DKK2: variants seen among roughly 807,000 people sequenced by gnomAD.
The protein encoded by DKK2 is dickkopf-related protein 2.
A neutral mutation model predicts 28.1 loss-of-function variants in DKK2; 11 were observed. The ratio of observed to expected loss-of-function variants is 0.39; its 90% CI spans 0.25 to 0.65. The LOEUF (loss-of-function observed/expected upper bound fraction) is 0.65. Among genes scored for constraint, DKK2 ranks in the 30% least tolerant of loss-of-function variants. The probability of loss-of-function intolerance (pLI) is 0.47; values close to 1 mark genes in which losing one functional copy is unlikely to be tolerated. For synonymous variants in DKK2, 135 were observed against 126.5 expected, an observed-to-expected ratio of 1.07 and a Z score of -0.45; for missense variants, 326 against 335.5, an observed-to-expected ratio of 0.97 and a Z score of 0.22.
At chr4:106,967,148 T>C (rs1229862637) in intron 1 of DKK2, among the ~76,000 whole-genome samples, 2 of 152,158 alleles carry the variant, frequency 1.3e-5, no homozygotes, top group Non-Finnish European at 2.9e-5. Flanking sequence ...CCAGGCACCA[T>C]GTCAGGCACT....
At chr4:106,952,929 C>T (rs899690974) in intron 1 of DKK2, among the ~76,000 whole-genome samples, 1 of 152,108 alleles carries the variant, frequency 6.6e-6, no homozygotes, top group Non-Finnish European at 1.5e-5. Flanking sequence ...ATCTTCCCCT[C>T]GTATGTTGGT....
intron 1 of DKK2, among the ~76,000 whole-genome samples, chr4:106,936,952 A>T (rs1374170515): frequency 6.6e-6 from 1 of 152,012 alleles, no homozygotes; most frequent in Middle Eastern, 3.2e-3. Context: ...GCCCTAAAAG[A>T]GCTCCTGAAG....
At chr4:106,975,706 A>G (rs1213232175) in intron 1 of DKK2, among the ~76,000 whole-genome samples, 1 of 151,970 alleles carries the variant, frequency 6.6e-6, no homozygotes, top group Non-Finnish European at 1.5e-5. Flanking sequence ...AGATTCATTA[A>G]TTTTTGGAAG....
chr4:106,969,012 T>G (rs1252002875), intron 1 of DKK2, among the ~76,000 whole-genome samples: 1 of 152,072 alleles, frequency 6.6e-6, no homozygotes, highest in African/African-American at 2.4e-5. Flanking sequence ...ACAAAAGTAC[T>G]GAAAAAGAAA....
At chr4:106,944,770 A>G (rs928281243) in intron 1 of DKK2, among the ~76,000 whole-genome samples, 21 of 152,082 alleles carry the variant, frequency 1.4e-4, no homozygotes, top group Admixed American at 1.3e-3. Context: ...TTATAAGTCT[A>G]TAAGACTTAT....
At chr4:107,010,049 C>G (rs1468713587) in intron 1 of DKK2, among the ~76,000 whole-genome samples, 1 of 151,710 alleles carries the variant, frequency 6.6e-6, no homozygotes, top group Non-Finnish European at 1.5e-5. Context: ...CACTTCATAG[C>G]CTTATATTAG....
intron 1 of DKK2, among the ~76,000 whole-genome samples, chr4:106,957,345 C>T (rs1354427186): frequency 2.0e-5 from 3 of 151,804 alleles, no homozygotes; most frequent in East Asian, 3.9e-4. Flanking sequence ...GTCAGTGTGG[C>T]GATTCCTCAG....
At chr4:106,963,563 A>G (rs528297303) in intron 1 of DKK2, among the ~76,000 whole-genome samples, 1 of 152,326 alleles carries the variant, frequency 6.6e-6, no homozygotes, top group African/African-American at 2.4e-5. Flanking sequence ...AAGAGAGAGG[A>G]ACCCTCATAC....
At chr4:106,964,411 T>A (rs1722736672) in intron 1 of DKK2, among the ~76,000 whole-genome samples, 1 of 152,118 alleles carries the variant, frequency 6.6e-6, no homozygotes, top group Admixed American at 6.5e-5. Flanking sequence ...AAAAATGATG[T>A]TTAGACAGAA....
intron 1 of DKK2, among the ~76,000 whole-genome samples, chr4:107,011,301 T>A (rs534142000): frequency 6.6e-6 from 1 of 151,658 alleles, no homozygotes; most frequent in African/African-American, 2.4e-5. Context: ...ATTGTTCATT[T>A]AGAAAATGTG....
chr4:107,018,280 T>C (rs1388841751), intron 1 of DKK2, among the ~76,000 whole-genome samples: 1 of 152,056 alleles, frequency 6.6e-6, no homozygotes, highest in African/African-American at 2.4e-5. Context: ...AGAACACCTG[T>C]GTGTCAGACC....
intron 1 of DKK2, among the ~76,000 whole-genome samples, chr4:106,949,370 TACTC>T (rs947171256): frequency 3.3e-5 from 5 of 152,196 alleles, no homozygotes; most frequent in East Asian, 1.9e-4. Context: ...TGACTTGAAT[TACTC>T]ACACATTTCT....
At chr4:107,012,217 G>C (rs773733652) in intron 1 of DKK2, among the ~76,000 whole-genome samples, 7 of 151,364 alleles carry the variant, frequency 4.6e-5, no homozygotes, top group Non-Finnish European at 7.4e-5. Context: ...AATTAAACCT[G>C]TTTTATGACA....
chr4:107,013,948 G>C (rs183404674), intron 1 of DKK2, among the ~76,000 whole-genome samples: 21 of 151,484 alleles, frequency 1.4e-4, no homozygotes, highest in Admixed American at 7.9e-4. Context: ...GTAATCATCA[G>C]AGAAATGCAG....
At position 106,924,722 on chromosome 4, in the gene DKK2, G is replaced by C; in HGVS notation, c.374-22C>G. 6 of 1,605,314 alleles carry C rather than the reference G, an allele frequency of 3.7e-6. No homozygotes were observed. The South Asian group carries it at 6.7e-5, about 18-fold the overall frequency. On this transcript the variant is annotated intron_variant, in intron 2 of 3. Transcript: ENST00000285311. ...ATGCCTGGAGATGATCATATAATCA[G>C]TTAGACTAATTCAATTCTATGAAAT...
chr4:106,965,049 A>G (rs1430159020), intron 1 of DKK2, among the ~76,000 whole-genome samples: 1 of 152,156 alleles, frequency 6.6e-6, no homozygotes, highest in Non-Finnish European at 1.5e-5. Context: ...GATATAGTTC[A>G]GTGTTCATTA....
chr4:106,967,941 GAA>G (rs904419077), intron 1 of DKK2, among the ~76,000 whole-genome samples: 9 of 136,388 alleles, frequency 6.6e-5, no homozygotes, highest in African/African-American at 2.5e-4. Context: ...AAGGAAGGAA[GAA>G]AGAGAGAAAA....
intron 1 of DKK2, among the ~76,000 whole-genome samples, chr4:106,995,100 TTA>T (rs1229604536): frequency 6.6e-6 from 1 of 152,132 alleles, no homozygotes; most frequent in African/African-American, 2.4e-5. Context: ...TGTTTCCTTT[TTA>T]TGTTTCTGAA....
intron 1 of DKK2, among the ~76,000 whole-genome samples, chr4:106,955,957 C>T (rs528169749): frequency 3.9e-5 from 6 of 152,244 alleles, no homozygotes; most frequent in African/African-American, 1.4e-4. Flanking sequence ...CTCATTTTAC[C>T]ATAGCTACAT....
Sources: allele counts gnomAD v4.1 joint callset (sites outside exome capture counted in the v4.1 genomes callset), GRCh38; gene constraint gnomAD v4.1.1; transcripts MANE v1.5; gene names NCBI Gene and HGNC (gene_info 2026-07-23, HGNC 2026-07-21).